Variants in CSMD1 observed in about 807,000 individuals in gnomAD.
The protein encoded by CSMD1 is CUB and Sushi multiple domains 1.
Under a neutral mutation model 417.5 loss-of-function variants are expected in CSMD1, and 213 were observed. The observed-to-expected ratio is 0.51, with a 90% CI of 0.46 to 0.57. CSMD1 has a LOEUF of 0.57. Ranked by LOEUF, CSMD1 falls within the 20% of genes least tolerant of loss-of-function variation. The pLI, the probability that CSMD1 is intolerant of heterozygous loss-of-function variation, is 0.00. For missense variants in CSMD1, 6,923 were observed against 4,529.7 expected (o/e 1.53, Z -15.17); for synonymous variants, 2,862 against 1,736.8 (o/e 1.65, Z -16.11).
rs555984063 is a variant in CSMD1, at chr8:3,818,799, C to G, written c.819-64757G>C. Reference sequence around the variant, plus strand: ...AACCCCAAAACACCCGACCTACGTCCCTCTTTCCCTTTGAGTCGCTGTTTA... The same window carrying G: ...AACCCCAAAACACCCGACCTACGTCGCTCTTTCCCTTTGAGTCGCTGTTTA... On this transcript the variant is annotated intron_variant, in intron 5 of 69. Coordinates refer to ENST00000635120, the MANE Select transcript of CSMD1 (RefSeq NM_033225.6). 2.6e-5 allele frequency among the ~76,000 whole-genome samples: 4 copies of G among 152,220 alleles called. No homozygotes were observed. The East Asian group carries it at 5.8e-4, about 22-fold the overall frequency.
intron 3 of CSMD1, among the ~76,000 whole-genome samples, chr8:4,131,150 A>T (rs1803077805): frequency 1.3e-5 from 2 of 152,178 alleles, no homozygotes; most frequent in South Asian, 4.1e-4. Flanking sequence ...CATAATGTAG[A>T]TTTTAGACAA....
At chr8:3,609,785 GA>G (rs1801798668) in intron 8 of CSMD1, among the ~76,000 whole-genome samples, 1 of 115,810 alleles carries the variant, frequency 8.6e-6, no homozygotes, top group African/African-American at 3.1e-5. Flanking sequence ...AGTCTCAAAA[GA>G]AAAGACTGTT....
At chr8:3,720,648 C>CAT (rs1379215392) in intron 6 of CSMD1, among the ~76,000 whole-genome samples, 2 of 151,948 alleles carry the variant, frequency 1.3e-5, no homozygotes, top group Non-Finnish European at 2.9e-5. Context: ...CACACACACA[C>CAT]ACACACACCA....
At chr8:4,683,737 A>G (rs1806191966) in intron 1 of CSMD1, among the ~76,000 whole-genome samples, 1 of 152,162 alleles carries the variant, frequency 6.6e-6, no homozygotes, top group Non-Finnish European at 1.5e-5. Flanking sequence ...TAAATTTCCC[A>G]TTTTTGCACA....
chr8:4,271,372 T>G (rs1804584417), intron 3 of CSMD1, among the ~76,000 whole-genome samples: 1 of 151,986 alleles, frequency 6.6e-6, no homozygotes, highest in South Asian at 2.1e-4. Flanking sequence ...TCAAAATAAA[T>G]AAATAAAAGT....
At chr8:4,920,911 G>A (rs1490037344) in intron 1 of CSMD1, among the ~76,000 whole-genome samples, 2 of 27,072 alleles carry the variant, frequency 7.4e-5, no homozygotes, top group Non-Finnish European at 1.9e-4. Flanking sequence ...GAAAAGAAAA[G>A]AAAAGAAAAG....
chr8:4,292,244 G>GTTC (rs1425870880), intron 3 of CSMD1, among the ~76,000 whole-genome samples: 1 of 151,754 alleles, frequency 6.6e-6, no homozygotes, highest in African/African-American at 2.4e-5. Context: ...TGTTGTCGTC[G>GTTC]TTGTTGTTGT....
rs560166379 is a variant in CSMD1 at position 4,282,744 on chromosome 8, T to C, written c.415+137209A>G. On this transcript the variant is annotated intron_variant, in intron 3 of 69. Coordinates refer to ENST00000635120, the MANE Select transcript of CSMD1 (RefSeq NM_033225.6). ...GAACAATTTTAATTACTTGTAGCAA[T>C]AGTATGTTTAAATGGTAGTATTTTG... Among the ~76,000 whole-genome samples, 13 of 152,276 alleles carry C rather than the reference T, an allele frequency of 8.5e-5. 1 individual carries two copies. The highest frequency in any genetic ancestry group is 2.1e-4 in the South Asian group (1 of 4,828).
intron 3 of CSMD1, among the ~76,000 whole-genome samples, chr8:4,380,670 T>C (rs971034821): frequency 2.0e-5 from 3 of 152,152 alleles, no homozygotes; most frequent in African/African-American, 7.2e-5. Flanking sequence ...TTGTGGCAAA[T>C]GGACCATACT....
At chr8:3,551,310 T>C (rs1288029512) in intron 10 of CSMD1, among the ~76,000 whole-genome samples, 1 of 152,120 alleles carries the variant, frequency 6.6e-6, no homozygotes, top group African/African-American at 2.4e-5. Context: ...AAACTCTATA[T>C]CAATATGTGA....
chr8:3,063,944 C>T (rs1199811608), intron 49 of CSMD1, among the ~76,000 whole-genome samples: 3 of 152,116 alleles, frequency 2.0e-5, no homozygotes, highest in Non-Finnish European at 4.4e-5. Flanking sequence ...CACCACTGAA[C>T]TGTACACTTA....
intron 5 of CSMD1, among the ~76,000 whole-genome samples, chr8:3,896,649 C>A (rs2930380): frequency 6.6e-6 from 1 of 151,982 alleles, no homozygotes; most frequent in Non-Finnish European, 1.5e-5. Context: ...GTAGCTGGGA[C>A]TACAGGCGCC....
intron 1 of CSMD1, among the ~76,000 whole-genome samples, chr8:4,975,747 G>A (rs561477363): frequency 3.3e-5 from 5 of 152,196 alleles, no homozygotes; most frequent in East Asian, 1.9e-4. Context: ...ATGAAGACAC[G>A]GCCAACTGTT....
rs192985387 is a variant in CSMD1, at chr8:4,423,987, G to C, written c.303-3922C>G. 2.2e-3 allele frequency among the ~76,000 whole-genome samples: 338 copies of C among 151,950 alleles called. 3 individuals are homozygous for C. Among genetic ancestry groups the C allele is most frequent in the Non-Finnish European group, 2.6e-3 (175 of 67,888 alleles). On this transcript the variant is annotated intron_variant, in intron 2 of 69. Coordinates refer to ENST00000635120, the MANE Select transcript of CSMD1 (RefSeq NM_033225.6). ...ATAGAATAAACCAACAAATTATGAT[G>C]GATCAATTGGATGTCCATAGCAAAT...
At chr8:4,530,312 T>G (rs940863564) in intron 2 of CSMD1, among the ~76,000 whole-genome samples, 2 of 128,854 alleles carry the variant, frequency 1.6e-5, no homozygotes, top group African/African-American at 2.9e-5. Flanking sequence ...GTACAGGTAG[T>G]GCTTTTTTTT....
intron 11 of CSMD1, among the ~76,000 whole-genome samples, chr8:3,477,000 T>G (rs1817469486): frequency 6.6e-6 from 1 of 152,186 alleles, no homozygotes; most frequent in African/African-American, 2.4e-5. Flanking sequence ...TACTACAGTA[T>G]TTTGAAGTGA....
At chr8:4,853,590 T>C (rs894157177) in intron 1 of CSMD1, among the ~76,000 whole-genome samples, 3 of 152,142 alleles carry the variant, frequency 2.0e-5, no homozygotes, top group Admixed American at 6.5e-5. Context: ...CACACAGATA[T>C]TTGAATAGGG....
chr8:4,274,985 G>C (rs919435157), intron 3 of CSMD1, among the ~76,000 whole-genome samples: 1 of 152,128 alleles, frequency 6.6e-6, no homozygotes, highest in Admixed American at 6.6e-5. Context: ...AGAGTGTGTG[G>C]TATAGAATGA....
intron 3 of CSMD1, among the ~76,000 whole-genome samples, chr8:4,393,465 A>T (rs1396271887): frequency 6.6e-6 from 1 of 152,200 alleles, no homozygotes; most frequent in East Asian, 1.9e-4. Context: ...CACATGCATG[A>T]TTATGTTGAG....
Sources: gnomAD v4.1 joint callset for allele counts (sites outside exome capture counted in the v4.1 genomes callset) on GRCh38, gnomAD v4.1.1 for gene constraint, MANE v1.5 for transcripts, NCBI Gene and HGNC (gene_info 2026-07-23, HGNC 2026-07-21) for gene names.